OTOG: variants seen among roughly 807,000 people sequenced by gnomAD.
The protein encoded by OTOG is otogelin.
OTOG carries 296 observed loss-of-function variants against 313.8 expected under a neutral mutation model. The ratio of observed to expected loss-of-function variants is 0.94; its 90% CI spans 0.86 to 1.04. The LOEUF is 1.04. Ranked by LOEUF, OTOG falls within the 50% of genes least tolerant of loss-of-function variation. OTOG has a pLI of 0.00. For synonymous variants in OTOG, 1,533 were observed against 1,554.9 expected (o/e 0.99, Z 0.33); for missense variants, 3,948 against 3,840.1 (o/e 1.03, Z -0.74).
rs947808148 is a variant in OTOG, at chr11:17,629,327, A to G, written c.6712+11A>G. ...GCCATGGCCTGTGCGGTGAGGTGGA[A>G]CCCAGCTTGCGGGGAGGGGATGCTT... On this transcript the variant is annotated intron_variant, in intron 40 of 55. Transcript: ENST00000399397. 24 of 1,541,954 alleles carry G rather than the reference A, an allele frequency of 1.6e-5. 1 individual carries two copies. The highest frequency in any genetic ancestry group is 3.6e-4 in the Middle Eastern group (2 of 5,508).
At chr11:17,622,525 C>T (rs1053245289) in intron 39 of OTOG, among the ~76,000 whole-genome samples, 2 of 152,150 alleles carry the variant, frequency 1.3e-5, no homozygotes, top group Admixed American at 6.6e-5. Context: ...TCTTCCTCAA[C>T]CCCTCCACTA....
At chr11:17,622,323 A>G (rs1853884955) in intron 39 of OTOG, among the ~76,000 whole-genome samples, 2 of 152,182 alleles carry the variant, frequency 1.3e-5, no homozygotes, top group Admixed American at 1.3e-4. Context: ...TAATCACATC[A>G]CGTAAAATGG....
intron 26 of OTOG, 93 bp from the exon 27 acceptor site, chr11:17,593,517 G>A (rs938030511): frequency 2.7e-6 from 4 of 1,491,556 alleles, no homozygotes; most frequent in Admixed American, 2.0e-5. Flanking sequence ...TATGAGGGAG[G>A]CAGAGGCATT....
At chr11:17,561,880 T>C in intron 15 of OTOG, 73 bp downstream of exon 15, 1 of 1,523,888 alleles carries the variant, frequency 6.6e-7, no homozygotes, top group Non-Finnish European at 8.8e-7. Context: ...AGACTGGGAC[T>C]TAGGACAGGG....
chr11:17,610,271 C>T lies in OTOG; in HGVS notation c.4971C>T (p.Ser1657=), dbSNP rs1853496063. The T allele has an allele frequency of 6.4e-7, 1 of 1,550,656 alleles. No homozygotes were observed. The highest frequency in any genetic ancestry group is 2.0e-5 in the Admixed American group (1 of 51,004). ...CTTCCCCTGGAGCCATCTCCAGGTC[C>T]CCCACCTCCTCGGGATCCCACAAGG... ...PVASPGAISR[S]PTSSGSHKAV... Residue 1657 remains serine, a synonymous_variant, in exon 36 of 56, where the codon TCC becomes TCT. Coordinates refer to ENST00000399397, the MANE Select transcript of OTOG (RefSeq NM_001292063.2).
chr11:17,571,131 G>C (rs1852395063), intron 17 of OTOG, among the ~76,000 whole-genome samples: 1 of 152,174 alleles, frequency 6.6e-6, no homozygotes, highest in South Asian at 2.1e-4. Flanking sequence ...ATTCAGATTT[G>C]CTGTGAAGAA....
At chr11:17,550,969 C>T (rs1200309674) in intron 3 of OTOG, among the ~76,000 whole-genome samples, 1 of 152,246 alleles carries the variant, frequency 6.6e-6, no homozygotes, top group East Asian at 1.9e-4. Context: ...CTCCAGGGAC[C>T]AAGGGCCTGA....
At chr11:17,576,435 A>G (rs1852527588) in intron 20 of OTOG, 121 bp from the exon 21 acceptor site, 1 of 758,350 alleles carries the variant, frequency 1.3e-6, no homozygotes, top group Non-Finnish European at 2.3e-6. Context: ...CACTGTAGAT[A>G]CCATTACTTT....
chr11:17,551,205 A>G (rs1056030522), intron 3 of OTOG, among the ~76,000 whole-genome samples: 1 of 152,200 alleles, frequency 6.6e-6, no homozygotes, highest in African/African-American at 2.4e-5. Flanking sequence ...AGGAGGAGCC[A>G]ACTGTGCCCA....
intron 1 of OTOG, 106 bp downstream of exon 1, chr11:17,547,572 T>C: frequency 2.4e-6 from 3 of 1,264,058 alleles, no homozygotes; most frequent in Non-Finnish European, 3.0e-6. Flanking sequence ...GAAAGAGAGG[T>C]TTGAGGGAGA....
intron 4 of OTOG, among the ~76,000 whole-genome samples, chr11:17,552,615 T>TGTGTCCCCCACCTGTCCTGTGTC (rs1454853324): frequency 4.8e-4 from 72 of 150,966 alleles, no homozygotes; most frequent in Middle Eastern, 3.5e-3. Context: ...CCACCTGTCC[T>TGTGTCCCCCACCTGTCCTGTGTC]CTCACATCAT....
rs1454621536 is a variant in OTOG, at chr11:17,634,166, C to T, written c.7365C>T (p.Thr2455=). Residue 2455 remains threonine, a synonymous_variant, in exon 44 of 56, where the codon ACC becomes ACT. Coordinates refer to ENST00000399397, the MANE Select transcript of OTOG (RefSeq NM_001292063.2). ...CCQHQCQAPD[T]IVPVDLGCPS... ...AGCACCAGTGCCAAGCCCCAGACAC[C>T]ATTGTCCCGGTGGATCTGGGCTGCC... 6.5e-7 allele frequency: 1 copy of T among 1,550,212 alleles called. No individual in the cohort carries two copies. Among genetic ancestry groups the T allele is most frequent in the Non-Finnish European group, 8.7e-7 (1 of 1,146,950 alleles).
chr11:17,613,195 T>TTTCCTTTC (rs1401646180), intron 38 of OTOG, among the ~76,000 whole-genome samples: 42 of 65,368 alleles, frequency 6.4e-4, no homozygotes, highest in Admixed American at 5.6e-3. Flanking sequence ...TCTTTCTTTC[T>TTTCCTTTC]TTTCTTTCTT....
intron 23 of OTOG, among the ~76,000 whole-genome samples, chr11:17,580,499 T>G (rs1431932463): frequency 6.6e-6 from 1 of 152,230 alleles, no homozygotes; most frequent in Non-Finnish European, 1.5e-5. Context: ...GAAGGCACCT[T>G]GAGGACCGAG....
In OTOG at chr11:17,594,072, A is replaced by G; in HGVS notation, c.3314A>G (p.Asn1105Ser). The G allele has an allele frequency of 6.4e-7, 1 of 1,550,572 alleles. No homozygotes were observed. The highest frequency in any genetic ancestry group is 8.7e-7 in the Non-Finnish European group (1 of 1,146,990). ...GGCCAGCTGGCGGGCCTCTGTGGGA[A>G]CTTTGACTTAAAAACCATCAATGAG... ...WQGQLAGLCG[N>S]FDLKTINEMR... Residue 1105 changes from asparagine (N) to serine (S), a missense_variant, in exon 28 of 56, where the codon AAC (asparagine) becomes AGC (serine). Asn to Ser is a conservative substitution (Grantham distance 46). Coordinates refer to ENST00000399397, the MANE Select transcript of OTOG (RefSeq NM_001292063.2).
chr11:17,567,335 T>G (rs1852310781), intron 15 of OTOG, among the ~76,000 whole-genome samples: 1 of 152,216 alleles, frequency 6.6e-6, no homozygotes. Context: ...TGTGGCTGGT[T>G]GCACAATGTA....
At position 17,633,748 on chromosome 11, in the gene OTOG, C is replaced by T. The variant is rs988460880; in HGVS notation, c.7141C>T (p.Gln2381Ter). 1 of 1,550,376 alleles carries T rather than the reference C, an allele frequency of 6.5e-7. No homozygotes were observed. Among genetic ancestry groups the T allele is most frequent in the African/African-American group, 1.4e-5 (1 of 73,036 alleles). The stretch of plus-strand genomic sequence containing the variant: ...AGCCTGTGAGCCACCCAAGACATGC[C>T]AGGATGGGATACTAGGGCCTCTGGA... ...VTACEPPKTC[Q>*]DGILGPLDPE... Residue 2381 changes from glutamine to a stop codon, truncating the protein, a stop_gained, in exon 43 of 56, where the codon CAG becomes TAG. Transcript: ENST00000399397. LOFTEE classifies it high-confidence loss of function.
chr11:17,578,285 C>G, intron 22 of OTOG, 88 bp from the exon 23 acceptor site: 1 of 1,410,056 alleles, frequency 7.1e-7, no homozygotes. Flanking sequence ...GAGCCCGTCT[C>G]TCCCTCCATC....
At chr11:17,636,250 T>C (rs922857926) in intron 47 of OTOG, among the ~76,000 whole-genome samples, 2 of 152,340 alleles carry the variant, frequency 1.3e-5, no homozygotes, top group South Asian at 2.1e-4. Flanking sequence ...TATGTGCATA[T>C]CATGTACTGT....
Sources: gnomAD v4.1 joint callset for allele counts (sites outside exome capture counted in the v4.1 genomes callset) on GRCh38, gnomAD v4.1.1 for gene constraint, MANE v1.5 for transcripts, NCBI Gene and HGNC (gene_info 2026-07-23, HGNC 2026-07-21) for gene names.